BCL2L13: variants seen among roughly 807,000 people sequenced by gnomAD.
BCL2L13 encodes BCL2 like 13.
Under a neutral mutation model 25.8 loss-of-function variants are expected in BCL2L13, and 13 were observed. The ratio of observed to expected loss-of-function variants is 0.50; its 90% CI spans 0.33 to 0.80. The LOEUF (loss-of-function observed/expected upper bound fraction) is 0.80. BCL2L13 is among the 30% of genes least tolerant of loss of function. The pLI is 0.02. For missense variants in BCL2L13, 504 were observed against 574.9 expected, an observed-to-expected ratio of 0.88 and a Z score of 1.26; for synonymous variants, 244 against 230.3, an observed-to-expected ratio of 1.06 and a Z score of -0.54.
Position 17,726,913 on chromosome 22 carries a change from T to C in BCL2L13, c.837T>C (p.Ile279=). 6.2e-7 allele frequency: 1 copy of C among 1,614,138 alleles called. No individual in the cohort carries two copies. The highest frequency in any genetic ancestry group is 8.5e-7 in the Non-Finnish European group (1 of 1,180,032). Residue 279 remains isoleucine, a synonymous_variant, in exon 7 of 7, where the codon ATT becomes ATC. Transcript: ENST00000317582. ...VSLGPESWQQ[I]AMDPEEVKSL... Reference sequence around the variant, plus strand: ...TAGGCCCTGAGTCCTGGCAGCAGATTGCAATGGATCCTGAAGAAGTGAAAA... The same window carrying C: ...TAGGCCCTGAGTCCTGGCAGCAGATCGCAATGGATCCTGAAGAAGTGAAAA...
At position 17,640,898 on chromosome 22, in the gene BCL2L13, A is replaced by ATATAT. The variant is rs1555873601; in HGVS notation, c.-51+2013_-51+2014insATATT. Among the ~76,000 whole-genome samples, 59 of 145,838 alleles carry ATATAT rather than the reference A, an allele frequency of 4.0e-4. 2 individuals carry two copies. Among genetic ancestry groups the ATATAT allele is most frequent in the South Asian group, 2.2e-4 (1 of 4,582 alleles). ...ATTAATTTTTTATATATATATATAT[A>ATATAT]TTTTTTTTTTGAGGCGGAGTGTCGC... On this transcript the variant is annotated intron_variant, in intron 1 of 6. Transcript: ENST00000317582.
chr22:17,682,699 T>G (rs545501391), intron 2 of BCL2L13, among the ~76,000 whole-genome samples: 8 of 152,328 alleles, frequency 5.3e-5, no homozygotes, highest in African/African-American at 1.7e-4. Flanking sequence ...GGTGGAGACT[T>G]ACTCACTCTC....
At chr22:17,686,284 A>G (rs1280258231) in intron 3 of BCL2L13, among the ~76,000 whole-genome samples, 1 of 151,672 alleles carries the variant, frequency 6.6e-6, no homozygotes, top group African/African-American at 2.4e-5. Context: ...CCCTGCCTCT[A>G]TAAAAATACA....
intron 2 of BCL2L13, among the ~76,000 whole-genome samples, chr22:17,665,800 T>G (rs1484745000): frequency 6.6e-6 from 1 of 152,210 alleles, no homozygotes; most frequent in Non-Finnish European, 1.5e-5. Flanking sequence ...TGCCTTATTG[T>G]GGTAGCTTAT....
At chr22:17,700,372 A>G (rs1245287002) in intron 5 of BCL2L13, among the ~76,000 whole-genome samples, 1 of 152,218 alleles carries the variant, frequency 6.6e-6, no homozygotes, top group Non-Finnish European at 1.5e-5. Context: ...GCTTTTCGAT[A>G]TATGAAAGAG....
intron 5 of BCL2L13, among the ~76,000 whole-genome samples, chr22:17,700,745 T>C (rs1601715045): frequency 6.6e-6 from 1 of 152,212 alleles, no homozygotes; most frequent in Admixed American, 6.5e-5. Flanking sequence ...GAGTTTTCAA[T>C]ATATTTTGGG....
chr22:17,688,919 C>A lies in BCL2L13; in HGVS notation c.230-67C>A. The A allele has an allele frequency of 2.0e-6, 3 of 1,509,062 alleles. 1 individual carries two copies. In the South Asian group the frequency reaches 3.8e-5, roughly 19 times the overall value. 93.5% of individuals were successfully genotyped at this position (1,509,062 alleles called of 1,614,324 possible). On this transcript the variant is annotated intron_variant, in intron 3 of 6. Transcript: ENST00000317582. ...AGTAGCTGGGATTACAGGCATGTGC[C>A]ACCACACCCAGCTAATTTTATAGAT...
chr22:17,682,606 C>T (rs1272050342), intron 2 of BCL2L13, among the ~76,000 whole-genome samples: 1 of 152,112 alleles, frequency 6.6e-6, no homozygotes, highest in Non-Finnish European at 1.5e-5. Context: ...CTTATTGATA[C>T]ATCTTTCCCA....
chr22:17,697,962 C>T (rs2060313693), intron 5 of BCL2L13, among the ~76,000 whole-genome samples: 1 of 152,026 alleles, frequency 6.6e-6, no homozygotes, highest in South Asian at 2.1e-4. Context: ...ATTATAGGCA[C>T]CTGCCACCTT....
intron 1 of BCL2L13, among the ~76,000 whole-genome samples, chr22:17,648,166 T>C (rs78895167): frequency 0.015 from 2,248 of 152,112 alleles, 56 homozygotes; most frequent in African/African-American, 0.05. Flanking sequence ...AATATACTTA[T>C]TAGACACTGC....
intron 1 of BCL2L13, among the ~76,000 whole-genome samples, chr22:17,650,207 C>T (rs553088846): frequency 7.2e-5 from 11 of 152,272 alleles, no homozygotes; most frequent in South Asian, 6.2e-4. Flanking sequence ...CATGTTACTA[C>T]GTTTGACACA....
At chr22:17,666,632 T>C (rs1201430525) in intron 2 of BCL2L13, among the ~76,000 whole-genome samples, 1 of 151,776 alleles carries the variant, frequency 6.6e-6, no homozygotes, top group Non-Finnish European at 1.5e-5. Flanking sequence ...CTTAACACAA[T>C]GACTTCCAGT....
chr22:17,707,397 G>A lies in BCL2L13; in HGVS notation c.600+5011G>A, dbSNP rs2079948. ...TGATCTGTTTCCATTTTGCGACTTCGAGGCCTCAGAAATATAAAACTAGCT... is the reference window on the plus strand; with the variant it reads ...TGATCTGTTTCCATTTTGCGACTTCAAGGCCTCAGAAATATAAAACTAGCT... On this transcript the variant is annotated intron_variant, in intron 6 of 6. Coordinates refer to ENST00000317582, the MANE Select transcript of BCL2L13 (RefSeq NM_015367.4). Among the ~76,000 whole-genome samples, 469 of 152,198 alleles carry A rather than the reference G, an allele frequency of 3.1e-3. 5 individuals carry two copies. Among genetic ancestry groups the A allele is most frequent in the African/African-American group, 0.01 (432 of 41,538 alleles).
At chr22:17,634,870 C>G (rs547375903), upstream of BCL2L13, among the ~76,000 whole-genome samples, 5 of 151,702 alleles carry the variant, frequency 3.3e-5, no homozygotes, top group Non-Finnish European at 7.4e-5. Context: ...ATTGCTTGAG[C>G]CTGGGAAGTC....
Position 17,702,343 on chromosome 22 carries a change from T to TG in BCL2L13, c.559dup (p.Glu187GlyfsTer19). ...CTGCTGCAGTTTGGCGTGACATACC[T>TG]GGAGGACTATTCGGCAGAGTACATC... On this transcript the variant is annotated frameshift_variant, in exon 6 of 7. Transcript: ENST00000317582. LOFTEE classifies it low-confidence loss of function (END_TRUNC). 2 of 1,611,832 alleles carry TG rather than the reference T, an allele frequency of 1.2e-6. No homozygotes were observed. Among genetic ancestry groups the TG allele is most frequent in the Non-Finnish European group, 1.7e-6 (2 of 1,178,862 alleles).
At chr22:17,647,092 G>A (rs898912755) in intron 1 of BCL2L13, among the ~76,000 whole-genome samples, 5 of 149,836 alleles carry the variant, frequency 3.3e-5, no homozygotes, top group African/African-American at 7.4e-5. Flanking sequence ...TCCTGTCTCA[G>A]CCTCCCAAGT....
intron 2 of BCL2L13, among the ~76,000 whole-genome samples, chr22:17,661,351 A>G (rs1329040615): frequency 6.9e-6 from 1 of 145,966 alleles, no homozygotes; most frequent in Non-Finnish European, 1.6e-5. Flanking sequence ...TCAGCCTCCC[A>G]AAGTGCTGGG....
intron 6 of BCL2L13, among the ~76,000 whole-genome samples, chr22:17,715,856 A>C (rs1034961469): frequency 2.0e-5 from 3 of 152,220 alleles, no homozygotes; most frequent in Non-Finnish European, 1.5e-5. Flanking sequence ...ACACAGGTAC[A>C]GTTCAGAGGT....
chr22:17,719,592 C>T (rs987546123), intron 6 of BCL2L13, among the ~76,000 whole-genome samples: 5 of 151,954 alleles, frequency 3.3e-5, no homozygotes, highest in Admixed American at 6.6e-5. Flanking sequence ...GAATGAAGTA[C>T]GGCCGAGGCA....
Sources: gnomAD v4.1 joint callset for allele counts (sites outside exome capture counted in the v4.1 genomes callset) on GRCh38, gnomAD v4.1.1 for gene constraint, MANE v1.5 for transcripts, NCBI Gene and HGNC (gene_info 2026-07-23, HGNC 2026-07-21) for gene names.